The following NRXN3 variants were observed in gnomAD, a reference collection of about 807,000 sequenced individuals.
NRXN3 encodes the protein neurexin III.
Under a neutral mutation model 137.6 loss-of-function variants are expected in NRXN3, and 32 were observed. That is an observed-to-expected ratio of 0.23 (90% CI 0.18 to 0.31). NRXN3 has a LOEUF of 0.31. NRXN3 is among the 10% of genes least tolerant of loss of function. The pLI, the probability that NRXN3 is intolerant of heterozygous loss-of-function variation, is 1.00. For synonymous variants in NRXN3, 798 were observed against 784.5 expected, an observed-to-expected ratio of 1.02 and a Z score of -0.29; for missense variants, 1,574 against 2,062.5, an observed-to-expected ratio of 0.76 and a Z score of 4.59.
chr14:79,627,531 T>C (rs958458593), intron 16 of NRXN3, among the ~76,000 whole-genome samples: 1 of 152,220 alleles, frequency 6.6e-6, no homozygotes, highest in Non-Finnish European at 1.5e-5. Flanking sequence ...CCTTATTCAT[T>C]ATTATTGCTT....
intron 6 of NRXN3, among the ~76,000 whole-genome samples, chr14:78,668,078 G>A (rs952620038): frequency 2.4e-4 from 37 of 152,138 alleles, no homozygotes; most frequent in African/African-American, 8.7e-4. Context: ...GAGCCACCGC[G>A]CCTGACCAAA....
intron 15 of NRXN3, among the ~76,000 whole-genome samples, chr14:79,288,376 A>T (rs547699476): frequency 4.1e-4 from 63 of 152,298 alleles, no homozygotes; most frequent in African/African-American, 1.4e-3. Context: ...ATAAAGAGGA[A>T]ATGGTTTATT....
At chr14:79,155,349 A>G (rs908642004) in intron 15 of NRXN3, among the ~76,000 whole-genome samples, 1 of 151,888 alleles carries the variant, frequency 6.6e-6, no homozygotes, top group Non-Finnish European at 1.5e-5. Context: ...AACCTATGTA[A>G]TTGACATGAT....
At chr14:78,218,254 A>G (rs931808259) in intron 1 of NRXN3, among the ~76,000 whole-genome samples, 1 of 152,062 alleles carries the variant, frequency 6.6e-6, no homozygotes, top group Non-Finnish European at 1.5e-5. Flanking sequence ...CTACTTGGGA[A>G]GCTGAGGTGG....
At chr14:79,298,897 G>A (rs1244233674) in intron 15 of NRXN3, 2 of 152,398 alleles carry the variant, frequency 1.3e-5, no homozygotes, top group East Asian at 3.9e-4. Context: ...TGCTTAAATA[G>A]GATGAGCAAA....
At chr14:79,475,262 A>T (rs2096549622) in intron 16 of NRXN3, among the ~76,000 whole-genome samples, 1 of 152,160 alleles carries the variant, frequency 6.6e-6, no homozygotes, top group Non-Finnish European at 1.5e-5. Flanking sequence ...AAGCTGACAA[A>T]GTGTGTGGAA....
chr14:79,509,324 G>T (rs1396542780), intron 16 of NRXN3, among the ~76,000 whole-genome samples: 2 of 151,906 alleles, frequency 1.3e-5, no homozygotes, highest in African/African-American at 4.9e-5. Context: ...TTGCCAATAT[G>T]GTGAAACCAT....
At chr14:78,445,460 G>A (rs1033861949) in intron 4 of NRXN3, among the ~76,000 whole-genome samples, 10 of 152,234 alleles carry the variant, frequency 6.6e-5, no homozygotes, top group Admixed American at 5.2e-4. Context: ...TTATCAGATA[G>A]AACAAGCAGC....
intron 19 of NRXN3, chr14:79,791,327 A>G (rs148597637): frequency 6.6e-6 from 1 of 152,060 alleles, no homozygotes; most frequent in East Asian, 1.9e-4. Flanking sequence ...TTCCATTAAG[A>G]GAAAACTTGA....
At chr14:78,869,651 G>A (rs79703927) in intron 10 of NRXN3, among the ~76,000 whole-genome samples, 1 of 152,018 alleles carries the variant, frequency 6.6e-6, no homozygotes, top group African/African-American at 2.4e-5. Flanking sequence ...CTCCAACAGG[G>A]TAAGTTCTGC....
intron 4 of NRXN3, among the ~76,000 whole-genome samples, chr14:78,395,205 A>G (rs1423623906): frequency 1.3e-5 from 2 of 151,362 alleles, no homozygotes; most frequent in African/African-American, 4.8e-5. Flanking sequence ...TCCTCTCAGC[A>G]CTGCTTTAGT....
At chr14:79,464,362 A>T (rs568344229) in intron 15 of NRXN3, among the ~76,000 whole-genome samples, 2 of 152,240 alleles carry the variant, frequency 1.3e-5, no homozygotes, top group Non-Finnish European at 2.9e-5. Flanking sequence ...TTTAAATCAA[A>T]TTTTTAGTCT....
chr14:78,683,710 A>C (rs1000906465), intron 6 of NRXN3, among the ~76,000 whole-genome samples: 3 of 152,186 alleles, frequency 2.0e-5, no homozygotes, highest in African/African-American at 7.2e-5. Context: ...GCTGGGGACC[A>C]AGTTGTTGAG....
intron 19 of NRXN3, among the ~76,000 whole-genome samples, chr14:79,779,942 G>T (rs1185056132): frequency 6.6e-6 from 1 of 152,070 alleles, no homozygotes; most frequent in African/African-American, 2.4e-5. Flanking sequence ...TCAGCTTACA[G>T]CAACTTCCGC....
At chr14:79,620,738 A>G (rs542228393) in intron 16 of NRXN3, among the ~76,000 whole-genome samples, 1 of 152,148 alleles carries the variant, frequency 6.6e-6, no homozygotes, top group African/African-American at 2.4e-5. Context: ...GCAAGCATAG[A>G]TACTTTGGAG....
intron 4 of NRXN3, among the ~76,000 whole-genome samples, chr14:78,563,610 C>T (rs2096807907): frequency 6.6e-6 from 1 of 152,202 alleles, no homozygotes; most frequent in Non-Finnish European, 1.5e-5. Flanking sequence ...TGGCATAAAA[C>T]AGCTTTTTAA....
At chr14:79,491,457 CAA>C (rs902311888) in intron 16 of NRXN3, among the ~76,000 whole-genome samples, 5 of 152,134 alleles carry the variant, frequency 3.3e-5, no homozygotes, top group African/African-American at 9.7e-5. Flanking sequence ...CCTTTACTAA[CAA>C]GAGAAAAATC....
chr14:79,039,409 C>T (rs1428205038), intron 15 of NRXN3, among the ~76,000 whole-genome samples: 4 of 152,020 alleles, frequency 2.6e-5, no homozygotes, highest in Non-Finnish European at 4.4e-5. Context: ...TTTTTTATCC[C>T]CCTTATTTCC....
At chr14:79,268,658 AT>A (rs1215564820) in intron 15 of NRXN3, among the ~76,000 whole-genome samples, 1 of 152,200 alleles carries the variant, frequency 6.6e-6, no homozygotes, top group Non-Finnish European at 1.5e-5. Flanking sequence ...ATTGCATAGG[AT>A]TTAGCAACAG....
Sources: gnomAD v4.1 joint callset for allele counts (sites outside exome capture counted in the v4.1 genomes callset) on GRCh38, gnomAD v4.1.1 for gene constraint, MANE v1.5 for transcripts, NCBI Gene and HGNC (gene_info 2026-07-23, HGNC 2026-07-21) for gene names.